Variants in ADAMTS19 observed in about 807,000 individuals in gnomAD.
ADAMTS19 encodes ADAM metallopeptidase with thrombospondin type 1 motif 19.
In ADAMTS19, 93 loss-of-function variants were observed where a neutral mutation model predicts 153.3. That is an observed-to-expected ratio of 0.61 (90% CI 0.51 to 0.72). The LOEUF is 0.72. Among genes scored for constraint, ADAMTS19 ranks in the 30% least tolerant of loss-of-function variants. The pLI, the probability that ADAMTS19 is intolerant of heterozygous loss-of-function variation, is 0.00. For missense variants in ADAMTS19, 1,482 were observed against 1,552.1 expected (o/e 0.95, Z 0.76); for synonymous variants, 600 against 556.6 (o/e 1.08, Z -1.10).
At chr5:129,503,659 A>G (rs1581014808) in intron 2 of ADAMTS19, among the ~76,000 whole-genome samples, 1 of 151,922 alleles carries the variant, frequency 6.6e-6, no homozygotes, top group South Asian at 2.1e-4. Context: ...GCCAACATGG[A>G]GAAACTCCAT....
rs1757596926 is a variant in ADAMTS19 at position 129,734,882 on chromosome 5, C to CA, written c.3313-44dup. 4 of 1,420,754 alleles carry CA rather than the reference C, an allele frequency of 2.8e-6. No individual in the cohort carries two copies. The East Asian group carries it at 1.0e-4, about 36-fold the overall frequency. The allele number at this position is 1,420,754 out of a possible 1,614,324, so 88.0% of individuals were successfully genotyped here. On this transcript the variant is annotated intron_variant, in intron 21 of 22. Transcript: ENST00000274487. ...CCCACACCCTAGAAAATAATAACAG[C>CA]AAAAAATAAAAATAAAAAAGAACCT... is the stretch of plus-strand genomic sequence containing the variant.
In ADAMTS19 at chr5:129,704,373, A is replaced by C. The variant is rs1756050588; in HGVS notation, c.3294A>C (p.Arg1098=). The change falls in exon 21 of 23, where the codon CGA becomes CGC. Residue 1098 remains arginine, a synonymous_variant. Coordinates refer to ENST00000274487, the MANE Select transcript of ADAMTS19 (RefSeq NM_133638.6). ...CEDYSKCYVW[R]MGDWSKCSIT... is the part of the protein sequence containing the mutation. ...ATTATTCAAAATGCTATGTGTGGCG[A>C]ATGGGTGACTGGTCTAAGGTGAGAA... The C allele has an allele frequency of 5.6e-6, 9 of 1,613,844 alleles. 1 individual carries two copies. In the South Asian group the frequency reaches 9.9e-5, roughly 18 times the overall value.
chr5:129,463,321 G>A (rs945843433), intron 2 of ADAMTS19, among the ~76,000 whole-genome samples: 11 of 146,050 alleles, frequency 7.5e-5, no homozygotes, highest in Admixed American at 2.7e-4. Flanking sequence ...AGCAAAGTTA[G>A]AATTATAAGT....
intron 8 of ADAMTS19, among the ~76,000 whole-genome samples, chr5:129,611,179 T>C (rs1351525143): frequency 6.6e-6 from 1 of 152,200 alleles, no homozygotes; most frequent in African/African-American, 2.4e-5. Flanking sequence ...TTGTAGATTC[T>C]GGATATTAGC....
chr5:129,560,953 T>A (rs1200646522), intron 7 of ADAMTS19, among the ~76,000 whole-genome samples: 1 of 152,250 alleles, frequency 6.6e-6, no homozygotes, highest in Non-Finnish European at 1.5e-5. Flanking sequence ...TGTACTCCTT[T>A]ACATTCTTGA....
At chr5:129,496,977 G>A (rs1750945760) in intron 2 of ADAMTS19, among the ~76,000 whole-genome samples, 1 of 151,958 alleles carries the variant, frequency 6.6e-6, no homozygotes, top group Admixed American at 6.6e-5. Flanking sequence ...TATGACTTTG[G>A]AGAATCCTGA....
intron 8 of ADAMTS19, among the ~76,000 whole-genome samples, chr5:129,611,696 G>A (rs1399488601): frequency 1.3e-5 from 2 of 152,108 alleles, no homozygotes; most frequent in South Asian, 2.1e-4. Flanking sequence ...CTGTAGCCTT[G>A]TAGTTTAGTT....
intron 16 of ADAMTS19, among the ~76,000 whole-genome samples, chr5:129,667,937 T>G (rs1754127114): frequency 6.6e-6 from 1 of 152,224 alleles, no homozygotes; most frequent in South Asian, 2.1e-4. Context: ...GTCCTATGCC[T>G]ACTATAACAA....
intron 7 of ADAMTS19, among the ~76,000 whole-genome samples, chr5:129,576,601 A>G (rs953953389): frequency 7.9e-6 from 1 of 126,332 alleles, no homozygotes; most frequent in South Asian, 2.4e-4. Context: ...TTTTTTTTTT[A>G]GTTAAATACC....
chr5:129,678,415 C>G (rs1394067223), intron 16 of ADAMTS19, among the ~76,000 whole-genome samples: 1 of 152,098 alleles, frequency 6.6e-6, no homozygotes, highest in Non-Finnish European at 1.5e-5. Context: ...GCCTACGTAA[C>G]TTGTTTAATG....
rs149733048 is a variant in ADAMTS19, at chr5:129,553,810, A to C, written c.1372+1903A>C. On this transcript the variant is annotated intron_variant, in intron 7 of 22. Transcript: ENST00000274487. ...ATGAAAACTTATAACAACCAAGTCA[A>C]ATTAATCTGTTTCACCCAAACCCCA... 2.0e-3 allele frequency among the ~76,000 whole-genome samples: 299 copies of C among 152,244 alleles called. 1 individual carries two copies. Among genetic ancestry groups the C allele is most frequent in the African/African-American group, 7.0e-3 (292 of 41,546 alleles).
intron 21 of ADAMTS19, among the ~76,000 whole-genome samples, chr5:129,715,991 G>A (rs1756709161): frequency 6.6e-6 from 1 of 152,022 alleles, no homozygotes; most frequent in Non-Finnish European, 1.5e-5. Flanking sequence ...GCGGCAGATG[G>A]AACTGAGAAA....
intron 21 of ADAMTS19, among the ~76,000 whole-genome samples, chr5:129,710,453 C>T (rs904603809): frequency 2.6e-5 from 4 of 151,942 alleles, no homozygotes; most frequent in African/African-American, 7.3e-5. Flanking sequence ...GTATCTTTCA[C>T]GAAAGAAGAC....
chr5:129,484,252 A>G (rs1024012690), intron 2 of ADAMTS19, among the ~76,000 whole-genome samples: 1 of 152,144 alleles, frequency 6.6e-6, no homozygotes, highest in Non-Finnish European at 1.5e-5. Context: ...TATAGGTAAC[A>G]CCCAGATTTC....
At chr5:129,646,511 T>C (rs1035878432) in intron 11 of ADAMTS19, among the ~76,000 whole-genome samples, 3 of 152,096 alleles carry the variant, frequency 2.0e-5, no homozygotes, top group South Asian at 4.1e-4. Context: ...TGAATAAATA[T>C]CAGAATGAAC....
At chr5:129,710,126 C>A (rs1756374660) in intron 21 of ADAMTS19, among the ~76,000 whole-genome samples, 1 of 152,112 alleles carries the variant, frequency 6.6e-6, no homozygotes, top group African/African-American at 2.4e-5. Flanking sequence ...CTCTTCCTCC[C>A]CCTGCCTCAC....
At chr5:129,538,719 G>T (rs1170302234) in intron 6 of ADAMTS19, among the ~76,000 whole-genome samples, 1 of 151,996 alleles carries the variant, frequency 6.6e-6, no homozygotes, top group Admixed American at 6.6e-5. Context: ...CTTACATACT[G>T]TTTTATAATC....
At chr5:129,646,261 A>C (rs985071774) in intron 11 of ADAMTS19, among the ~76,000 whole-genome samples, 1 of 152,140 alleles carries the variant, frequency 6.6e-6, no homozygotes, top group Middle Eastern at 3.2e-3. Flanking sequence ...GAATATTGAT[A>C]TTCTCTGAGT....
chr5:129,716,792 G>A (rs142287203), intron 21 of ADAMTS19, among the ~76,000 whole-genome samples: 149 of 152,138 alleles, frequency 9.8e-4, no homozygotes, highest in African/African-American at 3.3e-3. Flanking sequence ...GTCTATTCAC[G>A]AGATGGTTGC....
Sources: gnomAD v4.1 joint callset for allele counts (sites outside exome capture counted in the v4.1 genomes callset) on GRCh38, gnomAD v4.1.1 for gene constraint, MANE v1.5 for transcripts, NCBI Gene and HGNC (gene_info 2026-07-23, HGNC 2026-07-21) for gene names.